Variants in ITPRID1 observed in about 807,000 individuals in gnomAD.
ITPRID1 encodes ITPR interacting domain containing 1.
ITPRID1 carries 96 observed loss-of-function variants against 95.4 expected under a neutral mutation model. That is an observed-to-expected ratio of 1.01 (90% CI 0.85 to 1.19). ITPRID1 has a LOEUF of 1.19. Among genes scored for constraint, ITPRID1 ranks in the 50% most tolerant of loss-of-function variants. The probability of loss-of-function intolerance (pLI) is 0.00; values close to 1 mark genes in which losing one functional copy is unlikely to be tolerated. For missense variants in ITPRID1, 1,339 were observed against 1,252.9 expected (o/e 1.07, Z -1.04); for synonymous variants, 510 against 453.6 (o/e 1.12, Z -1.58).
intron 1 of ITPRID1, among the ~76,000 whole-genome samples, chr7:31,540,997 G>A (rs10236675): frequency 0.58 from 88,816 of 152,078 alleles, 26,974 homozygotes; most frequent in Middle Eastern, 0.71. Flanking sequence ...GCCCTGTTAC[G>A]AAAGAAAACA....
chr7:31,562,070 A>T (rs1045111072), intron 5 of ITPRID1, among the ~76,000 whole-genome samples: 10 of 100,090 alleles, frequency 1.0e-4, no homozygotes, highest in East Asian at 2.9e-4. Flanking sequence ...AAAAAAAAAA[A>T]GCCTGGAGAG....
At chr7:31,580,818 C>T (rs1217103369) in intron 9 of ITPRID1, among the ~76,000 whole-genome samples, 3 of 152,042 alleles carry the variant, frequency 2.0e-5, no homozygotes, top group Admixed American at 1.3e-4. Context: ...ACTTCATAGT[C>T]GTCTTTGTTT....
At chr7:31,646,167 A>T (rs368848880) in intron 12 of ITPRID1, among the ~76,000 whole-genome samples, 13 of 152,326 alleles carry the variant, frequency 8.5e-5, no homozygotes, top group African/African-American at 3.1e-4. Flanking sequence ...TGTTAAAAAT[A>T]ACAAAATTGT....
chr7:31,519,645 T>TATATATATATATATAA lies in ITPRID1; in HGVS notation c.-98+5526_-98+5527insTATATATATATATAAA, dbSNP rs1332451516. ...CTATATATATATATATATATATATA[T>TATATATATATATATAA]AAATCTTATGTTATCCTGCTGGTAT... On this transcript the variant is annotated intron_variant, in intron 1 of 14. Coordinates refer to ENST00000615280, the MANE Select transcript of ITPRID1 (RefSeq NM_001257967.3). Among the ~76,000 whole-genome samples, 465 of 114,900 alleles carry TATATATATATATATAA rather than the reference T, an allele frequency of 4.0e-3. 19 individuals carry two copies. The highest frequency in any genetic ancestry group is 7.7e-3 in the East Asian group (27 of 3,524). The allele number at this position is 114,900 out of a possible 152,430, so 75.4% of individuals were successfully genotyped here.
intron 10 of ITPRID1, among the ~76,000 whole-genome samples, chr7:31,622,662 T>C (rs1171724036): frequency 1.3e-5 from 2 of 151,528 alleles, no homozygotes; most frequent in South Asian, 4.2e-4. Context: ...GCAGGAAAGA[T>C]CCAAAATTGA....
chr7:31,564,486 A>AG (rs978782199), intron 5 of ITPRID1, among the ~76,000 whole-genome samples: 10 of 152,102 alleles, frequency 6.6e-5, no homozygotes, highest in African/African-American at 2.4e-4. Flanking sequence ...GGTATCCTGG[A>AG]GGGGAAAAAA....
rs768304285 is a variant in ITPRID1 at position 31,651,121 on chromosome 7, GTTCT to G, written c.2584-16_2584-13del. On this transcript the variant is annotated splice_polypyrimidine_tract_variant and intron_variant, in intron 12 of 14. Transcript: ENST00000615280. The stretch of plus-strand genomic sequence containing the variant: ...AGGATCAGAGAGGACTTTCTTCTCA[GTTCT>G]TTCTCATTGTTCTCAGTGCACAGTC... 5 of 1,607,958 alleles carry G rather than the reference GTTCT, an allele frequency of 3.1e-6. No homozygotes were observed. The highest frequency in any genetic ancestry group is 2.2e-5 in the East Asian group (1 of 44,708).
At chr7:31,585,633 G>A (rs750785656) in intron 10 of ITPRID1, among the ~76,000 whole-genome samples, 75 of 152,222 alleles carry the variant, frequency 4.9e-4, no homozygotes, top group African/African-American at 1.6e-3. Flanking sequence ...TGAGTCTACT[G>A]CAGAACTATA....
chr7:31,552,549 C>T (rs1369555392), intron 2 of ITPRID1, among the ~76,000 whole-genome samples: 1 of 152,110 alleles, frequency 6.6e-6, no homozygotes, highest in Non-Finnish European at 1.5e-5. Context: ...TATGTGAGGG[C>T]ACACAACAAG....
chr7:31,652,431 C>T, intron 14 of ITPRID1, 87 bp from the exon 15 acceptor site: 1 of 1,485,630 alleles, frequency 6.7e-7, no homozygotes, highest in Non-Finnish European at 9.0e-7. Context: ...TCGACCACCT[C>T]ATAATGCCTA....
At chr7:31,554,556 T>C in intron 4 of ITPRID1, 33 bp downstream of exon 4, 1 of 1,609,434 alleles carries the variant, frequency 6.2e-7, no homozygotes, top group Admixed American at 1.7e-5. Flanking sequence ...GCCTTACATG[T>C]TTCTCTTGCA....
At position 31,643,002 on chromosome 7, in the gene ITPRID1, G is replaced by A. The variant is rs1294724083; in HGVS notation, c.1632G>A (p.Leu544=). The change falls in exon 12 of 15, where the codon CTG becomes CTA. Residue 544 remains leucine (L), a synonymous_variant. Transcript: ENST00000615280. ...PRKDSHLWQL[L]PMPHAEYEVT... ...AAGACAGCCATCTGTGGCAGCTTCTGCCAATGCCCCATGCTGAGTATGAGG... is the reference window on the plus strand; with the variant it reads ...AAGACAGCCATCTGTGGCAGCTTCTACCAATGCCCCATGCTGAGTATGAGG... 1.2e-6 allele frequency: 2 copies of A among 1,613,900 alleles called. No homozygotes were observed. Among genetic ancestry groups the A allele is most frequent in the Non-Finnish European group, 1.7e-6 (2 of 1,179,894 alleles).
At position 31,656,148 on chromosome 7, in the gene ITPRID1, C is replaced by A. The variant is rs1791294541; in HGVS notation, c.*3319C>A. 2 of 411,610 alleles carry A rather than the reference C, an allele frequency of 4.9e-6. No homozygotes were observed. The highest frequency in any genetic ancestry group is 6.5e-6 in the Non-Finnish European group (2 of 305,818). 25.5% of individuals were successfully genotyped at this position (411,610 alleles called of 1,614,324 possible). On this transcript the variant is annotated 3_prime_UTR_variant, in exon 15 of 15. Coordinates refer to ENST00000615280, the MANE Select transcript of ITPRID1 (RefSeq NM_001257967.3). ...ATCACTTTGCTTTTTTGTTAAAACA[C>A]TGAAAACCTCCTGTCTTGTGTTACC...
At chr7:31,609,716 T>G (rs1275974893) in intron 10 of ITPRID1, among the ~76,000 whole-genome samples, 1 of 151,588 alleles carries the variant, frequency 6.6e-6, no homozygotes, top group East Asian at 1.9e-4. Flanking sequence ...TTGTCAGTTT[T>G]GGTGATCTTT....
At chr7:31,553,544 T>A (rs1272137151) in intron 3 of ITPRID1, among the ~76,000 whole-genome samples, 1 of 152,188 alleles carries the variant, frequency 6.6e-6, no homozygotes, top group African/African-American at 2.4e-5. Context: ...ATTTGTTGGA[T>A]CCTGCAGGAG....
intron 10 of ITPRID1, among the ~76,000 whole-genome samples, chr7:31,641,069 C>A (rs912465095): frequency 6.6e-6 from 1 of 152,130 alleles, no homozygotes; most frequent in Non-Finnish European, 1.5e-5. Flanking sequence ...GCTGTCTTTG[C>A]TCAGACACAT....
intron 1 of ITPRID1, among the ~76,000 whole-genome samples, chr7:31,535,657 A>T (rs1188346555): frequency 1.3e-5 from 2 of 152,052 alleles, no homozygotes; most frequent in African/African-American, 4.8e-5. Flanking sequence ...GGTCTGCTGA[A>T]GATGGATTCT....
chr7:31,620,428 C>G (rs38343), intron 10 of ITPRID1, among the ~76,000 whole-genome samples: 37,647 of 151,478 alleles, frequency 0.25, 5,162 homozygotes, highest in Non-Finnish European at 0.3. Flanking sequence ...GAGGAACGAT[C>G]AGACAGCAGC....
Position 31,642,909 on chromosome 7 carries a change from G to T in ITPRID1, c.1539G>T (p.Gly513=). The T allele has an allele frequency of 6.2e-7, 1 of 1,614,016 alleles. No individual in the cohort carries two copies. The highest frequency in any genetic ancestry group is 1.1e-5 in the South Asian group (1 of 91,086). ...EEEFLLEAME[G]PPELYIPDMA... is the part of the protein sequence containing the mutation. Reference sequence around the variant, plus strand: ...AGTTTCTGCTTGAGGCCATGGAGGGGCCACCAGAGCTGTATATCCCAGACA... The same window carrying T: ...AGTTTCTGCTTGAGGCCATGGAGGGTCCACCAGAGCTGTATATCCCAGACA... The change falls in exon 12 of 15, where the codon GGG becomes GGT. Residue 513 remains glycine (G), a synonymous_variant. Coordinates refer to ENST00000615280, the MANE Select transcript of ITPRID1 (RefSeq NM_001257967.3).
Sources: gnomAD v4.1 joint callset for allele counts (sites outside exome capture counted in the v4.1 genomes callset) on GRCh38, gnomAD v4.1.1 for gene constraint, MANE v1.5 for transcripts, NCBI Gene and HGNC (gene_info 2026-07-23, HGNC 2026-07-21) for gene names.